RBL1: variants seen among roughly 807,000 people sequenced by gnomAD.
RBL1 encodes retinoblastoma-like protein 1.
RBL1 carries 82 observed loss-of-function variants against 123.0 expected under a neutral mutation model. The observed-to-expected ratio is 0.67, with a 90% CI of 0.56 to 0.80. RBL1 has a LOEUF of 0.80. Among genes scored for constraint, RBL1 ranks in the 30% least tolerant of loss-of-function variants. The pLI is 0.00. For missense variants in RBL1, 1,171 were observed against 1,299.6 expected, an observed-to-expected ratio of 0.90 and a Z score of 1.52; for synonymous variants, 405 against 441.3, an observed-to-expected ratio of 0.92 and a Z score of 1.03.
chr20:37,039,003 A>C (rs2064677532), intron 14 of RBL1, among the ~76,000 whole-genome samples: 1 of 152,202 alleles, frequency 6.6e-6, no homozygotes, highest in South Asian at 2.1e-4. Context: ...GATGTACCGT[A>C]CTATGTAACC....
At chr20:37,002,336 G>GTTTTTTTTTTTTTTT (rs965408801) in intron 21 of RBL1, among the ~76,000 whole-genome samples, 8 of 76,350 alleles carry the variant, frequency 1.0e-4, no homozygotes, top group East Asian at 1.4e-3. Context: ...AGCCTTATCT[G>GTTTTTTTTTTTTTTT]TTTTTTTTTT....
intron 1 of RBL1, among the ~76,000 whole-genome samples, chr20:37,089,682 CTCTT>C (rs1600616461): frequency 6.6e-6 from 1 of 151,322 alleles, no homozygotes; most frequent in Admixed American, 6.6e-5. Flanking sequence ...AAGAAAAAAA[CTCTT>C]TCACCTACAC....
intron 11 of RBL1, chr20:37,049,688 A>G (rs2064874558): frequency 1.4e-6 from 1 of 740,562 alleles, no homozygotes; most frequent in Non-Finnish European, 2.5e-6. Context: ...TACTGCTTCA[A>G]CAAACCAGAA....
intron 21 of RBL1, among the ~76,000 whole-genome samples, chr20:37,002,336 GT>G (rs965408801): frequency 5.6e-3 from 425 of 76,348 alleles, no homozygotes; most frequent in East Asian, 0.01. Context: ...AGCCTTATCT[GT>G]TTTTTTTTTT....
chr20:36,999,900 T>C (rs1241498621), intron 21 of RBL1, among the ~76,000 whole-genome samples: 1 of 152,094 alleles, frequency 6.6e-6, no homozygotes, highest in African/African-American at 2.4e-5. Context: ...TTGCAGACTC[T>C]GCCCGGCCGC....
At chr20:37,001,558 G>C (rs28462075) in intron 21 of RBL1, among the ~76,000 whole-genome samples, 140 of 150,780 alleles carry the variant, frequency 9.3e-4, no homozygotes, top group Middle Eastern at 3.4e-3. Flanking sequence ...GATGCTTGAA[G>C]GCAGCATGCT....
chr20:37,095,696 A>G, intron 1 of RBL1, 77 bp downstream of exon 1: 6 of 1,372,504 alleles, frequency 4.4e-6, no homozygotes, highest in Admixed American at 2.5e-5. Flanking sequence ...CCACCACCCC[A>G]TAGGCCGAGG....
chr20:37,033,615 T>A (rs1337835590), intron 15 of RBL1, among the ~76,000 whole-genome samples: 1 of 130,748 alleles, frequency 7.6e-6, no homozygotes, highest in African/African-American at 2.9e-5. Flanking sequence ...GCAGCTGGAC[T>A]TTTTTTTTTT....
intron 1 of RBL1, among the ~76,000 whole-genome samples, chr20:37,093,046 A>C (rs1024573866): frequency 5.3e-5 from 8 of 152,150 alleles, no homozygotes; most frequent in Non-Finnish European, 7.3e-5. Flanking sequence ...TATACAAGCT[A>C]TAAGAAGAAC....
In RBL1 at chr20:37,069,640, G is replaced by C. The variant is rs1411834290; in HGVS notation, c.291-1454C>G. Among the ~76,000 whole-genome samples, 5 of 151,128 alleles carry C rather than the reference G, an allele frequency of 3.3e-5. 1 individual carries two copies. Among genetic ancestry groups the C allele is most frequent in the South Asian group, 2.1e-4 (1 of 4,782 alleles). On this transcript the variant is annotated intron_variant, in intron 2 of 21. Coordinates refer to ENST00000373664, the MANE Select transcript of RBL1 (RefSeq NM_002895.5). ...TGAGAAGTGAGGAGCCCCTCCGCCC[G>C]GCAGCCGCCCCGTCTGAGAAGTGAG...
chr20:37,010,086 G>A (rs1243903558), intron 19 of RBL1, among the ~76,000 whole-genome samples: 10 of 151,828 alleles, frequency 6.6e-5, no homozygotes, highest in Admixed American at 6.6e-4. Context: ...GGCCGGGTAT[G>A]GTGGCTCATG....
chr20:37,085,552 T>C (rs565522639), intron 2 of RBL1, among the ~76,000 whole-genome samples: 13 of 152,278 alleles, frequency 8.5e-5, no homozygotes, highest in African/African-American at 3.1e-4. Flanking sequence ...TTGTAACCAC[T>C]GTTAAGTCTA....
In RBL1 at chr20:37,040,297, A is replaced by C. The variant is rs141730375; in HGVS notation, c.1771-12T>G. On this transcript the variant is annotated splice_polypyrimidine_tract_variant and intron_variant, in intron 13 of 21. Transcript: ENST00000373664. The stretch of plus-strand genomic sequence containing the variant: ...TTTGGGAATATAACCTGTAGAAAAC[A>C]AAAACCCTTTGATTTACATATAGAT... 2.4e-4 allele frequency: 380 copies of C among 1,609,214 alleles called. 2 individuals are homozygous for C. The African/African-American group carries it at 4.4e-3, about 19-fold the overall frequency.
At chr20:37,042,249 C>T (rs551022126) in intron 13 of RBL1, among the ~76,000 whole-genome samples, 2 of 151,978 alleles carry the variant, frequency 1.3e-5, no homozygotes, top group African/African-American at 2.4e-5. Context: ...AGACATTTCT[C>T]CAAAGAAGAT....
chr20:37,040,921 A>G (rs573072440), intron 13 of RBL1, among the ~76,000 whole-genome samples: 23 of 152,340 alleles, frequency 1.5e-4, no homozygotes, highest in African/African-American at 5.3e-4. Flanking sequence ...AAGTTATAAG[A>G]GCAACGGCTT....
intron 9 of RBL1, among the ~76,000 whole-genome samples, chr20:37,059,939 G>A (rs951437547): frequency 2.0e-5 from 3 of 151,946 alleles, no homozygotes; most frequent in Non-Finnish European, 2.9e-5. Flanking sequence ...TTGGGAGGCC[G>A]AGGCAGGCGA....
chr20:37,074,345 T>C (rs2065328814), intron 2 of RBL1, among the ~76,000 whole-genome samples: 1 of 146,574 alleles, frequency 6.8e-6, no homozygotes, highest in African/African-American at 2.5e-5. Context: ...GCCTGGGAGG[T>C]TGAGAGTGCA....
At chr20:37,038,560 A>G (rs2064667558) in intron 14 of RBL1, among the ~76,000 whole-genome samples, 2 of 148,386 alleles carry the variant, frequency 1.3e-5, no homozygotes, top group Non-Finnish European at 3.0e-5. Context: ...CAGCCTCCCA[A>G]AGTGCTGGGA....
chr20:37,067,415 A>G, intron 3 of RBL1, 118 bp from the exon 4 acceptor site: 1 of 809,018 alleles, frequency 1.2e-6, no homozygotes, highest in Non-Finnish European at 1.9e-6. Flanking sequence ...ATTCATGAAG[A>G]AAAGTAATCT....
Sources: allele counts gnomAD v4.1 joint callset (sites outside exome capture counted in the v4.1 genomes callset), GRCh38; gene constraint gnomAD v4.1.1; transcripts MANE v1.5; gene names NCBI Gene and HGNC (gene_info 2026-07-23, HGNC 2026-07-21).